The following SENP5 variants were observed in gnomAD, a reference collection of about 807,000 sequenced individuals.
The protein encoded by SENP5 is sentrin-specific protease 5.
A neutral mutation model predicts 74.2 loss-of-function variants in SENP5; 21 were observed. The ratio of observed to expected loss-of-function variants is 0.28; its 90% CI spans 0.20 to 0.41. The LOEUF is 0.41. Among genes scored for constraint, SENP5 ranks in the 10% least tolerant of loss-of-function variants. SENP5 has a pLI of 1.00. For missense variants in SENP5, 717 were observed against 889.1 expected (o/e 0.81, Z 2.46); for synonymous variants, 311 against 312.7 (o/e 0.99, Z 0.06).
intron 1 of SENP5, among the ~76,000 whole-genome samples, chr3:196,875,021 C>T (rs1322959897): frequency 6.6e-6 from 1 of 152,174 alleles, no homozygotes; most frequent in African/African-American, 2.4e-5. Context: ...CACATGATGT[C>T]CTCTTTTCAG....
intron 2 of SENP5, among the ~76,000 whole-genome samples, chr3:196,898,486 G>A (rs1187602449): frequency 6.6e-6 from 1 of 151,620 alleles, no homozygotes; most frequent in East Asian, 1.9e-4. Context: ...TATAGTCCCA[G>A]CTAACTATCC....
chr3:196,882,296 G>C (rs969814640), intron 1 of SENP5, among the ~76,000 whole-genome samples: 1 of 151,644 alleles, frequency 6.6e-6, no homozygotes, highest in African/African-American at 2.4e-5. Context: ...AAGTACATTC[G>C]CATTGCTGTG....
At chr3:196,890,484 G>A (rs530419211) in intron 2 of SENP5, among the ~76,000 whole-genome samples, 2 of 152,314 alleles carry the variant, frequency 1.3e-5, no homozygotes, top group East Asian at 3.9e-4. Context: ...GATGAAATAT[G>A]AGTGTAAGAA....
chr3:196,913,080 A>G (rs1311739633), intron 6 of SENP5: 2 of 152,222 alleles, frequency 1.3e-5, no homozygotes, highest in African/African-American at 4.8e-5. Flanking sequence ...TGTGTAATAC[A>G]ATTAAAACAG....
intron 2 of SENP5, among the ~76,000 whole-genome samples, chr3:196,893,965 A>G (rs1714325505): frequency 6.6e-6 from 1 of 152,024 alleles, no homozygotes; most frequent in Non-Finnish European, 1.5e-5. Context: ...AAAGGGCTTG[A>G]AAGTCCAGAA....
chr3:196,928,670 C>G (rs367651430), intron 8 of SENP5, among the ~76,000 whole-genome samples: 1 of 152,082 alleles, frequency 6.6e-6, no homozygotes, highest in Non-Finnish European at 1.5e-5. Context: ...AACCTTTAAC[C>G]CAAACCCAAA....
intron 1 of SENP5, among the ~76,000 whole-genome samples, chr3:196,879,274 A>G (rs1267660509): frequency 6.6e-6 from 1 of 152,202 alleles, no homozygotes; most frequent in Non-Finnish European, 1.5e-5. Context: ...TTAGCTTATT[A>G]CTATTATGTA....
intron 1 of SENP5, among the ~76,000 whole-genome samples, chr3:196,869,593 T>G (rs1713114425): frequency 6.6e-6 from 1 of 151,144 alleles, no homozygotes; most frequent in Non-Finnish European, 1.5e-5. Flanking sequence ...AAACCCCATC[T>G]CTACTAAAAA....
chr3:196,868,092 A>G lies in SENP5; in HGVS notation c.-32+19A>G, dbSNP rs952537011. 2 of 152,280 alleles carry G rather than the reference A, an allele frequency of 1.3e-5. No individual in the cohort carries two copies. The highest frequency in any genetic ancestry group is 4.8e-5 in the African/African-American group (2 of 41,472). The allele number at this position is 152,280 out of a possible 1,614,324, so 9.4% of individuals were successfully genotyped here. Reference sequence around the variant, plus strand: ...GTAGCAGGTAAGCGGGGACGCGGGCAGACGAGTGACGGACTCAGCGATCGC... The same window carrying G: ...GTAGCAGGTAAGCGGGGACGCGGGCGGACGAGTGACGGACTCAGCGATCGC... On this transcript the variant is annotated intron_variant, in intron 1 of 9. Transcript: ENST00000323460.
rs1270122132 is a variant in SENP5 at position 196,885,517 on chromosome 3, G to C, written c.336G>C (p.Leu112=). 6.2e-7 allele frequency: 1 copy of C among 1,614,134 alleles called. No individual in the cohort carries two copies. The highest frequency in any genetic ancestry group is 1.1e-5 in the South Asian group (1 of 91,088). Residue 112 remains leucine (L), a synonymous_variant, in exon 2 of 10, where the codon CTG becomes CTC. Coordinates refer to ENST00000323460, the MANE Select transcript of SENP5 (RefSeq NM_152699.5). ...TCATTTCCTCCTCAAAGACTCTCCT[G>C]AGACTCCAAGCAGAGAAGCTGTTGT... ...KHFISSSKTL[L]RLQAEKLLSS...
At chr3:196,881,844 C>CT (rs1219143847) in intron 1 of SENP5, among the ~76,000 whole-genome samples, 4 of 120,494 alleles carry the variant, frequency 3.3e-5, no homozygotes, top group East Asian at 2.6e-4. Flanking sequence ...ACACCCTGTT[C>CT]TTTTTTTTCA....
chr3:196,887,833 A>G (rs779329588), intron 2 of SENP5, among the ~76,000 whole-genome samples: 3 of 152,070 alleles, frequency 2.0e-5, no homozygotes, highest in South Asian at 2.1e-4. Context: ...CAGTGACGCA[A>G]TCTCGGCTCA....
At chr3:196,900,156 G>A (rs1714639164) in intron 4 of SENP5, 94 bp downstream of exon 4, 3 of 1,474,294 alleles carry the variant, frequency 2.0e-6, no homozygotes, top group Admixed American at 2.2e-5. Flanking sequence ...TTGTCTTTTG[G>A]AATAAGGATT....
chr3:196,887,746 A>G (rs80110419), intron 2 of SENP5, among the ~76,000 whole-genome samples: 2,336 of 152,104 alleles, frequency 0.015, 54 homozygotes, highest in African/African-American at 0.052. Flanking sequence ...CAGTTCTTAC[A>G]TAGTAAAACT....
intron 6 of SENP5, chr3:196,914,576 A>ATATATATATATATAT (rs1449375512): frequency 4.0e-5 from 3 of 75,450 alleles, no homozygotes; most frequent in African/African-American, 1.7e-4. Context: ...AAAAAAAAAA[A>ATATATATATATATAT]AAAAAAAAAA....
At chr3:196,924,798 A>G (rs1715751536) in intron 7 of SENP5, among the ~76,000 whole-genome samples, 2 of 152,260 alleles carry the variant, frequency 1.3e-5, no homozygotes, top group South Asian at 4.1e-4. Context: ...GAGGATGTTC[A>G]TGGCAGCATT....
chr3:196,883,086 T>C (rs1713799032), intron 1 of SENP5, among the ~76,000 whole-genome samples: 1 of 152,092 alleles, frequency 6.6e-6, no homozygotes, highest in African/African-American at 2.4e-5. Context: ...AAATTATGCC[T>C]GGAGTCCCTG....
chr3:196,873,421 A>G (rs1161464200), intron 1 of SENP5, among the ~76,000 whole-genome samples: 2 of 151,854 alleles, frequency 1.3e-5, no homozygotes, highest in African/African-American at 4.8e-5. Flanking sequence ...CCACATTCCA[A>G]CTTTCAAAAT....
chr3:196,901,632 G>A (rs1235234260), intron 5 of SENP5, among the ~76,000 whole-genome samples: 1 of 151,968 alleles, frequency 6.6e-6, no homozygotes, highest in Non-Finnish European at 1.5e-5. Flanking sequence ...TTCTGATACC[G>A]TTTATGAATA....
Sources: gnomAD v4.1 joint callset for allele counts (sites outside exome capture counted in the v4.1 genomes callset) on GRCh38, gnomAD v4.1.1 for gene constraint, MANE v1.5 for transcripts, NCBI Gene and HGNC (gene_info 2026-07-23, HGNC 2026-07-21) for gene names.